PLCH1: variants seen among roughly 807,000 people sequenced by gnomAD.
PLCH1 encodes 1-phosphatidylinositol 4,5-bisphosphate phosphodiesterase eta-1.
PLCH1 carries 60 observed loss-of-function variants against 126.7 expected under a neutral mutation model. That is an observed-to-expected ratio of 0.47 (90% CI 0.38 to 0.59). The LOEUF (loss-of-function observed/expected upper bound fraction) is 0.59, where lower values mean the gene tolerates loss of function less well. Among genes scored for constraint, PLCH1 ranks in the 20% least tolerant of loss-of-function variants. PLCH1 has a pLI of 0.00. For missense variants in PLCH1, 1,723 were observed against 2,040.0 expected (o/e 0.84, Z 2.99); for synonymous variants, 719 against 734.9 (o/e 0.98, Z 0.35).
chr3:155,498,587 A>G (rs1357573420), intron 14 of PLCH1, among the ~76,000 whole-genome samples: 1 of 152,204 alleles, frequency 6.6e-6, no homozygotes, highest in East Asian at 1.9e-4. Flanking sequence ...GCTAAAATGG[A>G]ACAGAAACAC....
chr3:155,458,461 AG>A (rs1319090095), intron 21 of PLCH1, among the ~76,000 whole-genome samples: 1 of 94,764 alleles, frequency 1.1e-5, no homozygotes, highest in Non-Finnish European at 1.9e-5. Context: ...AAGGAAAGAA[AG>A]AAAGAAAGAA....
chr3:155,683,476 T>A (rs1309500195), intron 2 of PLCH1, among the ~76,000 whole-genome samples: 2 of 152,166 alleles, frequency 1.3e-5, no homozygotes, highest in African/African-American at 4.8e-5. Flanking sequence ...ACAGGTGCTA[T>A]AAGAAACCCA....
chr3:155,681,884 T>C (rs1259032529), intron 2 of PLCH1, among the ~76,000 whole-genome samples: 2 of 152,172 alleles, frequency 1.3e-5, no homozygotes, highest in African/African-American at 4.8e-5. Flanking sequence ...CACTGAGGCA[T>C]TGTCCTGTCT....
chr3:155,541,231 G>A (rs946307489), intron 10 of PLCH1, among the ~76,000 whole-genome samples: 20 of 152,070 alleles, frequency 1.3e-4, no homozygotes, highest in Admixed American at 7.2e-4. Flanking sequence ...TTGGGGACTC[G>A]GGTGAAAGAG....
At chr3:155,596,136 TA>T in intron 3 of PLCH1, 95 bp downstream of exon 3, 1 of 867,290 alleles carries the variant, frequency 1.2e-6, no homozygotes, top group Non-Finnish European at 1.8e-6. Flanking sequence ...TATAAAAGTA[TA>T]AAACTTCCAC....
At chr3:155,708,953 A>G (rs1163951026) in intron 1 of PLCH1, among the ~76,000 whole-genome samples, 1 of 152,026 alleles carries the variant, frequency 6.6e-6, no homozygotes, top group Non-Finnish European at 1.5e-5. Flanking sequence ...CCTCCCCCTT[A>G]GCCCCTGACG....
intron 21 of PLCH1, among the ~76,000 whole-genome samples, chr3:155,458,508 A>G (rs1342658682): frequency 8.6e-6 from 1 of 116,792 alleles, no homozygotes; most frequent in Non-Finnish European, 1.6e-5. Context: ...GAGAAAGAAG[A>G]GAGAGAAATA....
At chr3:155,468,511 A>C (rs1292606973) in intron 21 of PLCH1, among the ~76,000 whole-genome samples, 1 of 152,166 alleles carries the variant, frequency 6.6e-6, no homozygotes, top group Non-Finnish European at 1.5e-5. Flanking sequence ...CTTCACCTAC[A>C]CGGACACACA....
rs749267793 is a variant in PLCH1 at position 155,482,624 on chromosome 3, C to G, written c.3402G>C (p.Arg1134Ser). 1.2e-6 allele frequency: 2 copies of G among 1,614,170 alleles called. No homozygotes were observed. The highest frequency in any genetic ancestry group is 1.7e-4 in the Middle Eastern group (1 of 6,060). ...NLEIKNLEGN[R>S]GKGRAATSFS... is the part of the protein sequence containing the mutation. Reference sequence around the variant, plus strand: ...AGGATGTTGCAGCTCGGCCCTTACCCCTATTACCTTCCAGGTTCTTAATTT... The same window carrying G: ...AGGATGTTGCAGCTCGGCCCTTACCGCTATTACCTTCCAGGTTCTTAATTT... The change falls in exon 23 of 23, where the codon AGG becomes AGC. Residue 1134 changes from arginine (R) to serine (S), a missense_variant. Coordinates refer to ENST00000460012, the MANE Select transcript of PLCH1 (RefSeq NM_014996.4).
chr3:155,666,609 G>A lies in PLCH1; in HGVS notation c.79+37537C>T, dbSNP rs942102096. Among the ~76,000 whole-genome samples, 3 of 152,132 alleles carry A rather than the reference G, an allele frequency of 2.0e-5. No homozygotes were observed. The East Asian group carries it at 5.8e-4, about 29-fold the overall frequency. On this transcript the variant is annotated intron_variant, in intron 2 of 22. Transcript: ENST00000460012. Reference sequence around the variant, plus strand: ...CTCCTCAAGGGGTATCAAGGATGGTGGGTGAATTAGCATTGTCAGAATTGA... The same window carrying A: ...CTCCTCAAGGGGTATCAAGGATGGTAGGTGAATTAGCATTGTCAGAATTGA...
chr3:155,588,060 G>A (rs913061852), intron 4 of PLCH1, among the ~76,000 whole-genome samples: 1 of 152,086 alleles, frequency 6.6e-6, no homozygotes, highest in African/African-American at 2.4e-5. Context: ...ATTTCTATGC[G>A]ATTCAAATTA....
intron 2 of PLCH1, among the ~76,000 whole-genome samples, chr3:155,608,710 A>T (rs1202820932): frequency 6.6e-6 from 1 of 152,058 alleles, no homozygotes; most frequent in African/African-American, 2.4e-5. Context: ...ACCCAAGGAG[A>T]GTCTGAGCTC....
intron 4 of PLCH1, among the ~76,000 whole-genome samples, chr3:155,587,459 C>T (rs982272887): frequency 2.6e-5 from 4 of 152,064 alleles, no homozygotes; most frequent in Non-Finnish European, 5.9e-5. Context: ...AGGTCTCAAC[C>T]CAGGTCTTTT....
At chr3:155,592,636 C>G (rs1732360058) in intron 4 of PLCH1, among the ~76,000 whole-genome samples, 1 of 152,182 alleles carries the variant, frequency 6.6e-6, no homozygotes. Context: ...GTGAGAATGG[C>G]AGGACCTGGG....
At position 155,728,369 on chromosome 3, in the gene PLCH1, G is replaced by A. The variant is rs540943922; in HGVS notation, c.-41+16471C>T. ...CTGATATTTTTTTCGCACTTCCTAT[G>A]GCCAAGTATCATGATAAGCATTTTG... is the stretch of plus-strand genomic sequence containing the variant. On this transcript the variant is annotated intron_variant, in intron 1 of 22. Coordinates refer to ENST00000460012, the MANE Select transcript of PLCH1 (RefSeq NM_014996.4). Among the ~76,000 whole-genome samples the A allele has an allele frequency of 7.2e-5, 11 of 152,038 alleles. No homozygotes were observed. In the East Asian group the frequency reaches 1.9e-3, roughly 27 times the overall value.
intron 22 of PLCH1, chr3:155,483,419 GT>G: frequency 1.4e-6 from 2 of 1,437,188 alleles, no homozygotes; most frequent in South Asian, 1.3e-5. Flanking sequence ...AGACAGCTCT[GT>G]TAAACAAAGC....
At position 155,458,476 on chromosome 3, in the gene PLCH1, AAGAAAGAAAGAAAGAAAGAAAG is replaced by A. The variant is rs1400948283; in HGVS notation, c.2938+26858_2938+26879del. 8.4e-4 allele frequency among the ~76,000 whole-genome samples: 92 copies of A among 110,086 alleles called. 9 individuals are homozygous for A. The highest frequency in any genetic ancestry group is 6.6e-3 in the African/African-American group (85 of 12,974). The allele number at this position is 110,086 out of a possible 152,430, so 72.2% of individuals were successfully genotyped here. A position where few individuals can be genotyped will look rare whatever the true frequency, so the allele number is the denominator to read the frequency against. On this transcript the variant is annotated intron_variant, in intron 21 of 21. Transcript: ENST00000494598. ...AAGGAAAGAAAGAAAGAAAGAAAGA[AAGAAAGAAAGAAAGAAAGAAAG>A]AGAAAGAAGAGAGAGAAATAAGAAA... is the stretch of plus-strand genomic sequence containing the variant.
intron 22 of PLCH1, among the ~76,000 whole-genome samples, chr3:155,484,728 A>C (rs1162976547): frequency 2.0e-5 from 3 of 152,122 alleles, no homozygotes; most frequent in Non-Finnish European, 2.9e-5. Context: ...ATATGAGTCA[A>C]TGATACACTC....
intron 2 of PLCH1, among the ~76,000 whole-genome samples, chr3:155,613,932 T>C (rs1236077271): frequency 6.6e-6 from 1 of 152,202 alleles, no homozygotes. Flanking sequence ...CCAGATCTGA[T>C]AAGTTAATTT....
Sources: gnomAD v4.1 joint callset for allele counts (sites outside exome capture counted in the v4.1 genomes callset) on GRCh38, gnomAD v4.1.1 for gene constraint, MANE v1.5 for transcripts, NCBI Gene and HGNC (gene_info 2026-07-23, HGNC 2026-07-21) for gene names.